The following PKHD1L1 variants were observed in gnomAD, a reference collection of about 807,000 sequenced individuals.
The protein encoded by PKHD1L1 is PKHD1 like 1.
A neutral mutation model predicts 462.9 loss-of-function variants in PKHD1L1; 434 were observed. The observed-to-expected ratio is 0.94, with a 90% CI of 0.87 to 1.02. The LOEUF (loss-of-function observed/expected upper bound fraction) is 1.02, where lower values mean the gene tolerates loss of function less well. Ranked by LOEUF, PKHD1L1 falls within the 50% of genes least tolerant of loss-of-function variation. The pLI is 0.00. For synonymous variants in PKHD1L1, 1,781 were observed against 1,750.0 expected (o/e 1.02, Z -0.44); for missense variants, 5,202 against 5,096.1 (o/e 1.02, Z -0.63).
At chr8:109,509,892 A>G (rs577300570) in intron 70 of PKHD1L1, among the ~76,000 whole-genome samples, 1 of 152,254 alleles carries the variant, frequency 6.6e-6, no homozygotes, top group African/African-American at 2.4e-5. Flanking sequence ...GAATAAATAC[A>G]TCAATACAAT....
At chr8:109,491,315 A>G (rs541313859) in intron 61 of PKHD1L1, among the ~76,000 whole-genome samples, 1 of 151,876 alleles carries the variant, frequency 6.6e-6, no homozygotes, top group African/African-American at 2.4e-5. Context: ...TGAATTTTTA[A>G]TTTTAATGGT....
intron 2 of PKHD1L1, among the ~76,000 whole-genome samples, chr8:109,366,225 G>A (rs1215495739): frequency 6.6e-6 from 1 of 152,214 alleles, no homozygotes; most frequent in Non-Finnish European, 1.5e-5. Flanking sequence ...AAAGCCCAGA[G>A]TGTCATTTGG....
intron 4 of PKHD1L1, among the ~76,000 whole-genome samples, chr8:109,383,191 TATATAATTATATATTATATA>T (rs1248760372): frequency 1.1e-4 from 10 of 91,940 alleles, no homozygotes; most frequent in South Asian, 2.8e-4. Context: ...TATATAATTA[TATATAATTATATATTATATA>T]ATATAATTAT....
chr8:109,385,438 G>A (rs1157909111), intron 5 of PKHD1L1, 99 bp from the exon 6 acceptor site: 3 of 689,110 alleles, frequency 4.4e-6, no homozygotes, highest in East Asian at 5.6e-5. Context: ...TAAGTGTCTG[G>A]GTCCTGGTTT....
intron 2 of PKHD1L1, among the ~76,000 whole-genome samples, chr8:109,381,054 T>C (rs1172951915): frequency 6.6e-6 from 1 of 152,184 alleles, no homozygotes; most frequent in Non-Finnish European, 1.5e-5. Context: ...ATCGGGATAC[T>C]TGTCCTGCAG....
intron 35 of PKHD1L1, 51 bp downstream of exon 35, chr8:109,442,246 A>G: frequency 6.8e-7 from 1 of 1,475,208 alleles, no homozygotes; most frequent in Non-Finnish European, 9.2e-7. Flanking sequence ...TCCTAAATGT[A>G]ATAAAATGAC....
intron 73 of PKHD1L1, among the ~76,000 whole-genome samples, chr8:109,520,797 T>C (rs1820512566): frequency 6.6e-6 from 1 of 152,104 alleles, no homozygotes; most frequent in African/African-American, 2.4e-5. Flanking sequence ...CAGCCAGGAA[T>C]AAGAGGCCTT....
At chr8:109,428,569 A>G (rs1396442914) in intron 25 of PKHD1L1, among the ~76,000 whole-genome samples, 1 of 152,200 alleles carries the variant, frequency 6.6e-6, no homozygotes, top group Non-Finnish European at 1.5e-5. Flanking sequence ...TAAAAAAAAT[A>G]CATGGCTGGG....
At position 109,479,953 on chromosome 8, in the gene PKHD1L1, A is replaced by G. The variant is rs1421567183; in HGVS notation, c.9179-38A>G. 3 of 1,505,938 alleles carry G rather than the reference A, an allele frequency of 2.0e-6. No individual in the cohort carries two copies. In the Admixed American group the frequency reaches 8.0e-5, roughly 40 times the overall value. The allele number at this position is 1,505,938 out of a possible 1,614,324, so 93.3% of individuals were successfully genotyped here. On this transcript the variant is annotated intron_variant, in intron 54 of 77. Transcript: ENST00000378402. ...AATGTTTTGCTATAAGTTGTAGTTT[A>G]TGGATTATGTTATATTTCTTAAAGT...
intron 2 of PKHD1L1, among the ~76,000 whole-genome samples, chr8:109,367,550 TG>T (rs1359458715): frequency 6.6e-6 from 1 of 152,248 alleles, no homozygotes; most frequent in Non-Finnish European, 1.5e-5. Flanking sequence ...AGTATAGTAT[TG>T]ACTTGTAAAC....
chr8:109,515,068 T>C (rs545446057), intron 71 of PKHD1L1, 102 bp from the exon 72 acceptor site: 2 of 956,160 alleles, frequency 2.1e-6, no homozygotes, highest in South Asian at 2.2e-5. Flanking sequence ...AAACTTAGTT[T>C]TAATAGTTTG....
At chr8:109,414,571 T>C (rs947253526) in intron 21 of PKHD1L1, among the ~76,000 whole-genome samples, 1 of 152,158 alleles carries the variant, frequency 6.6e-6, no homozygotes, top group Non-Finnish European at 1.5e-5. Flanking sequence ...GATACTTTAA[T>C]ACATGCCATG....
chr8:109,405,030 A>T lies in PKHD1L1; in HGVS notation c.1569A>T (p.Ala523=), dbSNP rs1015266050. 6.5e-7 allele frequency: 1 copy of T among 1,528,518 alleles called. No homozygotes were observed. The highest frequency in any genetic ancestry group is 1.4e-5 in the African/African-American group (1 of 72,344). The allele number at this position is 1,528,518 out of a possible 1,614,324, so 94.7% of individuals were successfully genotyped here. A position where few individuals can be genotyped will look rare whatever the true frequency, so the allele number is the denominator to read the frequency against. ...TGGAAAACTGGGAAACAACTAATGC[A>T]ATTAATGAGGTTCAGAAGATCAAGG... The part of the protein sequence containing the change: ...ITLENWETTN[A]INEVQKIKVT... Residue 523 remains alanine, a synonymous_variant, in exon 16 of 78, where the codon GCA becomes GCT. Transcript: ENST00000378402.
At position 109,476,630 on chromosome 8, in the gene PKHD1L1, G is replaced by A; in HGVS notation, c.8880G>A (p.Trp2960Ter). The A allele has an allele frequency of 6.3e-7, 1 of 1,599,770 alleles. No individual in the cohort carries two copies. The highest frequency in any genetic ancestry group is 8.5e-7 in the Non-Finnish European group (1 of 1,172,132). ...GGAATACTAGCAAGAATGGGGACTG[G>A]CACCTTGAAGCAAACACTAGTACTC... ...LNWNTSKNGD[W>*]HLEANTSTLY... The change falls in exon 52 of 78, where the codon TGG becomes TGA. Residue 2960 changes from tryptophan to a stop codon, truncating the protein, a stop_gained. Transcript: ENST00000378402. LOFTEE classifies it high-confidence loss of function.
chr8:109,435,049 A>G (rs1193323188), intron 28 of PKHD1L1, 141 bp from the exon 29 acceptor site: 5 of 797,036 alleles, frequency 6.3e-6, no homozygotes, highest in African/African-American at 1.7e-5. Context: ...TCCCCCACAC[A>G]TTAATATATG....
At chr8:109,473,189 C>A (rs1817810248) in intron 50 of PKHD1L1, among the ~76,000 whole-genome samples, 1 of 152,040 alleles carries the variant, frequency 6.6e-6, no homozygotes, top group African/African-American at 2.4e-5. Context: ...TAAGAAATGT[C>A]AGGTTAAATG....
Position 109,383,147 on chromosome 8 carries a change from TTA to T in PKHD1L1, c.417+584_417+585del, listed in dbSNP as rs1247289019. ...ATAGTTATATATATTATTGTATATA[TTA>T]TATATATTTATATATAATATATACA... On this transcript the variant is annotated intron_variant, in intron 4 of 77. Coordinates refer to ENST00000378402, the MANE Select transcript of PKHD1L1 (RefSeq NM_177531.6). Among the ~76,000 whole-genome samples, 20 of 62,482 alleles carry T rather than the reference TTA, an allele frequency of 3.2e-4. 1 individual carries two copies. In the South Asian group the frequency reaches 0.012, roughly 38 times the overall value. The allele number at this position is 62,482 out of a possible 152,430, so 41.0% of individuals were successfully genotyped here. A position where few individuals can be genotyped will look rare whatever the true frequency, so the allele number is the denominator to read the frequency against.
At chr8:109,389,556 C>T (rs1812612952) in intron 8 of PKHD1L1, among the ~76,000 whole-genome samples, 1 of 149,308 alleles carries the variant, frequency 6.7e-6, no homozygotes, top group Non-Finnish European at 1.5e-5. Flanking sequence ...GTTACAGAGT[C>T]TTGCTCTGTT....
chr8:109,503,287 AAAAAACAAAAAC>A (rs1163120584), intron 67 of PKHD1L1, among the ~76,000 whole-genome samples: 4,067 of 142,698 alleles, frequency 0.029, 78 homozygotes, highest in Middle Eastern at 0.063. Context: ...CTCAAAAAAC[AAAAAACAAAAAC>A]AAAAACAAAA....
Sources: gnomAD v4.1 joint callset for allele counts (sites outside exome capture counted in the v4.1 genomes callset) on GRCh38, gnomAD v4.1.1 for gene constraint, MANE v1.5 for transcripts, NCBI Gene and HGNC (gene_info 2026-07-23, HGNC 2026-07-21) for gene names.